The following SCML1 variants were observed in gnomAD, a reference collection of about 807,000 sequenced individuals.
The protein encoded by SCML1 is sex comb on midleg-like protein 1.
For missense variants in SCML1, 137 were observed against 258.1 expected (o/e 0.53, Z 3.22); for synonymous variants, 104 against 103.6 (o/e 1.00, Z -0.02).
chrX:17,747,606 A>T (rs1055964454), intron 4 of SCML1, among the ~76,000 whole-genome samples: 1 of 110,522 alleles, frequency 9.0e-6, no homozygotes. Context: ...TTCAGACCTC[A>T]CCTCCTCTGA....
At chrX:17,742,714 T>C (rs1318314531) in intron 1 of SCML1, among the ~76,000 whole-genome samples, 1 of 112,328 alleles carries the variant, frequency 8.9e-6, no homozygotes, top group Non-Finnish European at 1.9e-5. Flanking sequence ...GCAGTGTTCT[T>C]TATAAGAGCA....
chrX:17,752,083 T>A, intron 7 of SCML1, 117 bp downstream of exon 7: 1 of 799,810 alleles, frequency 1.3e-6, no homozygotes, highest in East Asian at 3.2e-5. Flanking sequence ...GATTTTTCCA[T>A]ATATGAGAAA....
intron 2 of SCML1, chrX:17,744,770 A>G (rs917005559): frequency 8.9e-6 from 1 of 112,182 alleles, no homozygotes; most frequent in Non-Finnish European, 1.9e-5. Flanking sequence ...ACTATGTAAA[A>G]GCACTTTGAA....
chrX:17,737,343 T>A (rs1453692184), upstream of SCML1: 1 of 83,034 alleles, frequency 1.2e-5, no homozygotes, highest in East Asian at 4.4e-4. Flanking sequence ...ACCCAAGGAC[T>A]GGGAGAGCAC....
intron 7 of SCML1, among the ~76,000 whole-genome samples, chrX:17,752,727 A>G (rs1366338040): frequency 8.9e-6 from 1 of 112,163 alleles, no homozygotes; most frequent in East Asian, 2.8e-4. Flanking sequence ...TAACAAAATT[A>G]GTAGCCACAT....
At position 17,753,396 on chromosome X, in the gene SCML1, A is replaced by G; in HGVS notation, c.*4A>G. Reference sequence around the variant, plus strand: ...AGGAAAATGCTTTGAAAATTGAAAAAATCCTTGTGCAAATTTAGATTGGGC... The same window carrying G: ...AGGAAAATGCTTTGAAAATTGAAAAGATCCTTGTGCAAATTTAGATTGGGC... On this transcript the variant is annotated 3_prime_UTR_variant, in exon 8 of 8. Coordinates refer to ENST00000380041, the MANE Select transcript of SCML1 (RefSeq NM_001037540.3). 1 of 1,121,550 alleles carries G rather than the reference A, an allele frequency of 8.9e-7. No homozygotes were observed. Among genetic ancestry groups the G allele is most frequent in the Non-Finnish European group, 1.2e-6 (1 of 846,352 alleles). The allele number at this position is 1,121,550 out of a possible 1,213,427, so 92.4% of individuals were successfully genotyped here.
intron 1 of SCML1, among the ~76,000 whole-genome samples, chrX:17,741,617 A>C (rs2066595808): frequency 8.9e-6 from 1 of 112,023 alleles, no homozygotes; most frequent in African/African-American, 3.3e-5. Flanking sequence ...TACTTAAATC[A>C]AGCTTGTCCA....
intron 1 of SCML1, 182 bp downstream of exon 1, chrX:17,737,862 A>T (rs1372814970): frequency 9.0e-6 from 1 of 111,672 alleles, no homozygotes; most frequent in African/African-American, 3.3e-5. Flanking sequence ...TGGTCCCCAC[A>T]GCCTTTCCGG....
rs773139380 is a variant in SCML1 at position 17,750,234 on chromosome X, G to A, written c.644G>A (p.Arg215Gln). 14 of 1,209,832 alleles carry A rather than the reference G, an allele frequency of 1.2e-5. No homozygotes were observed. The highest frequency in any genetic ancestry group is 5.3e-5 in the South Asian group (3 of 56,751). ...TCAGGGCTCTGCCTTGGCAACCCTC[G>A]GGCTGACAGCATCCACAACACTTAC... ...SSSGLCLGNP[R>Q]ADSIHNTYST... The change falls in exon 6 of 8, where the codon CGG becomes CAG. Residue 215 changes from arginine (R) to glutamine (Q), a missense_variant. Arg to Gln is a conservative substitution (Grantham distance 43, BLOSUM62 1). Coordinates refer to ENST00000380041, the MANE Select transcript of SCML1 (RefSeq NM_001037540.3).
rs1432988896 is a variant in SCML1, at chrX:17,754,691, A to G, written c.*1299A>G. ...TTTACGAGCTATGAGAATTGGTGCT[A>G]TCACCATTAGCTATTTGCTGTAATG... On this transcript the variant is annotated 3_prime_UTR_variant, in exon 8 of 8. Transcript: ENST00000380041. 2 of 113,031 alleles carry G rather than the reference A, an allele frequency of 1.8e-5. No individual in the cohort carries two copies. Among genetic ancestry groups the G allele is most frequent in the African/African-American group, 3.2e-5 (1 of 31,074 alleles). 9.3% of individuals were successfully genotyped at this position (113,031 alleles called of 1,213,427 possible). A position where few individuals can be genotyped will look rare whatever the true frequency, so the allele number is the denominator to read the frequency against.
In SCML1 at chrX:17,753,509, A is replaced by T. The variant is rs1038504928; in HGVS notation, c.*117A>T. 1.0e-5 allele frequency: 5 copies of T among 494,169 alleles called. No individual in the cohort carries two copies. Among genetic ancestry groups the T allele is most frequent in the Non-Finnish European group, 1.6e-5 (5 of 321,525 alleles). The allele number at this position is 494,169 out of a possible 1,213,427, so 40.7% of individuals were successfully genotyped here. ...TTGTTTTGTAGAAAGTATCTCTCAA[A>T]ATATATTATAGCTAGAATTGTAGAA... On this transcript the variant is annotated 3_prime_UTR_variant, in exon 8 of 8. Coordinates refer to ENST00000380041, the MANE Select transcript of SCML1 (RefSeq NM_001037540.3).
Position 17,749,407 on chromosome X carries a change from A to G in SCML1, c.206A>G (p.Tyr69Cys). 1 of 1,144,760 alleles carries G rather than the reference A, an allele frequency of 8.7e-7. No individual in the cohort carries two copies. Among genetic ancestry groups the G allele is most frequent in the Non-Finnish European group, 1.2e-6 (1 of 840,533 alleles). 94.3% of individuals were successfully genotyped at this position (1,144,760 alleles called of 1,213,427 possible). A position where few individuals can be genotyped will look rare whatever the true frequency, so the allele number is the denominator to read the frequency against. Residue 69 changes from tyrosine (Y) to cysteine (C), a missense_variant, in exon 5 of 8, where the codon TAT (tyrosine) becomes TGT (cysteine). Tyr to Cys is a radical substitution (Grantham distance 194). Coordinates refer to ENST00000380041, the MANE Select transcript of SCML1 (RefSeq NM_001037540.3). ...TACATTGTATTATAATAGGTTATATATGATGCTCTGCAAAACCTGGATAAG... is the reference window on the plus strand; with the variant it reads ...TACATTGTATTATAATAGGTTATATGTGATGCTCTGCAAAACCTGGATAAG... ...DDVLIHCQVI[Y>C]DALQNLDKKI...
intron 6 of SCML1, among the ~76,000 whole-genome samples, chrX:17,750,657 C>T (rs916335328): frequency 2.7e-5 from 3 of 112,372 alleles, no homozygotes; most frequent in African/African-American, 3.2e-5. Context: ...GCCATCCCCA[C>T]GATCACAGAG....
At chrX:17,746,172 G>A (rs1353302813) in intron 4 of SCML1, 74 bp downstream of exon 4, 2 of 549,283 alleles carry the variant, frequency 3.6e-6, no homozygotes, top group Non-Finnish European at 5.8e-6. Context: ...CACATAAAGG[G>A]AAAGTGTACA....
rs1238507106 is a variant in SCML1 at position 17,750,100 on chromosome X, G to A, written c.510G>A (p.Glu170=). The A allele has an allele frequency of 5.0e-6, 6 of 1,210,371 alleles. No individual in the cohort carries two copies. The highest frequency in any genetic ancestry group is 6.7e-6 in the Non-Finnish European group (6 of 895,201). The change falls in exon 6 of 8, where the codon GAG becomes GAA. Residue 170 remains glutamate, a synonymous_variant. Transcript: ENST00000380041. ...CMEEYQRAEL[E]EDPILSRTPS... is the part of the protein sequence containing the mutation. ...AAGAATACCAGCGAGCTGAGCTGGA[G>A]GAGGACCCGATCCTCAGCCGCACTC...
At position 17,754,443 on chromosome X, in the gene SCML1, A is replaced by G. The variant is rs1288179614; in HGVS notation, c.*1051A>G. The G allele has an allele frequency of 8.9e-6, 1 of 112,161 alleles. No homozygotes were observed. Among genetic ancestry groups the G allele is most frequent in the African/African-American group, 3.2e-5 (1 of 30,871 alleles). 9.2% of individuals were successfully genotyped at this position (112,161 alleles called of 1,213,427 possible). On this transcript the variant is annotated 3_prime_UTR_variant, in exon 8 of 8. Transcript: ENST00000380041. ...TTAGAGGACAAGAAACAATCTGTAG[A>G]TTGGTTTCCATACAGGGAAGTTCTC...
Position 17,753,575 on chromosome X carries a change from A to G in SCML1, c.*183A>G. On this transcript the variant is annotated 3_prime_UTR_variant, in exon 8 of 8. Transcript: ENST00000380041. ...GTCTACTTCTTTAAAAACCATTTAA[A>G]CTGCTAGATAGTATTAGAATAGTCC... 1 of 283,364 alleles carries G rather than the reference A, an allele frequency of 3.5e-6. No homozygotes were observed. Among genetic ancestry groups the G allele is most frequent in the Non-Finnish European group, 6.1e-6 (1 of 163,312 alleles). 23.4% of individuals were successfully genotyped at this position (283,364 alleles called of 1,213,427 possible).
At chrX:17,741,757 G>A (rs2066597381) in intron 1 of SCML1, among the ~76,000 whole-genome samples, 1 of 110,803 alleles carries the variant, frequency 9.0e-6, no homozygotes, top group Non-Finnish European at 1.9e-5. Flanking sequence ...GATGAGGAAG[G>A]GGCTTTCCTG....
intron 3 of SCML1, 185 bp downstream of exon 3, chrX:17,745,724 T>C (rs1028582368): frequency 1.4e-4 from 54 of 378,841 alleles, no homozygotes; most frequent in South Asian, 1.9e-4. Flanking sequence ...CTTTTTCTTA[T>C]ATAGTAGAAA....
Sources: gnomAD v4.1 joint callset for allele counts (sites outside exome capture counted in the v4.1 genomes callset) on GRCh38, gnomAD v4.1.1 for gene constraint, MANE v1.5 for transcripts, NCBI Gene and HGNC (gene_info 2026-07-23, HGNC 2026-07-21) for gene names.